TMEM38B: variants seen among roughly 807,000 people sequenced by gnomAD.
The protein encoded by TMEM38B is transmembrane protein 38B, also known as trimeric intracellular cation channel type B.
A neutral mutation model predicts 28.7 loss-of-function variants in TMEM38B; 24 were observed. The ratio of observed to expected loss-of-function variants is 0.84; its 90% confidence interval spans 0.61 to 1.18. The LOEUF (loss-of-function observed/expected upper bound fraction) is 1.18, where lower values mean the gene tolerates loss of function less well. Ranked by LOEUF, TMEM38B falls within the 50% of genes most tolerant of loss-of-function variation. The pLI, the probability that TMEM38B is intolerant of heterozygous loss-of-function variation, is 0.00. For missense variants in TMEM38B, 380 were observed against 350.9 expected (o/e 1.08, Z -0.66); for synonymous variants, 131 against 127.7 (o/e 1.03, Z -0.17).
At chr9:105,747,959 TGCA>T in intron 4 of TMEM38B, 111 bp from the exon 5 acceptor site, 3 of 674,710 alleles carry the variant, frequency 4.4e-6, no homozygotes, top group Non-Finnish European at 2.6e-6. Flanking sequence ...AACTCATTTT[TGCA>T]TTACATCTAT....
At chr9:105,709,941 A>T (rs528283893) in intron 2 of TMEM38B, among the ~76,000 whole-genome samples, 1 of 152,190 alleles carries the variant, frequency 6.6e-6, no homozygotes. Context: ...TGATATTCAG[A>T]CATCCTAGTT....
intron 4 of TMEM38B, among the ~76,000 whole-genome samples, chr9:105,734,929 A>G (rs1353821662): frequency 6.7e-6 from 1 of 149,584 alleles, no homozygotes; most frequent in Non-Finnish European, 1.5e-5. Context: ...ATCCATTTAC[A>G]TTCATCCTAG....
At chr9:105,770,602 A>G (rs1372982470) in intron 5 of TMEM38B, among the ~76,000 whole-genome samples, 1 of 152,104 alleles carries the variant, frequency 6.6e-6, no homozygotes, top group Non-Finnish European at 1.5e-5. Context: ...CATTCATGTT[A>G]ATAATTAGCG....
At chr9:105,737,063 T>G (rs879466480) in intron 4 of TMEM38B, among the ~76,000 whole-genome samples, 1 of 152,208 alleles carries the variant, frequency 6.6e-6, no homozygotes, top group South Asian at 2.1e-4. Context: ...CCACAGGCAG[T>G]CACAGCAGTG....
intron 5 of TMEM38B, among the ~76,000 whole-genome samples, chr9:105,763,417 A>G (rs9722680): frequency 0.21 from 32,163 of 152,080 alleles, 5,298 homozygotes; most frequent in East Asian, 0.46. Context: ...CCAATCCCAC[A>G]GAAATACAAA....
intron 4 of TMEM38B, among the ~76,000 whole-genome samples, chr9:105,734,453 T>G (rs1259834176): frequency 6.6e-6 from 1 of 152,140 alleles, no homozygotes; most frequent in Non-Finnish European, 1.5e-5. Context: ...GTTTATTAAG[T>G]CCATTTGGTC....
At chr9:105,738,417 A>G (rs1035787330) in intron 4 of TMEM38B, among the ~76,000 whole-genome samples, 1 of 151,918 alleles carries the variant, frequency 6.6e-6, no homozygotes. Flanking sequence ...TGCTCTATAT[A>G]TAGAGTTGCT....
At chr9:105,763,593 C>T (rs552513375) in intron 5 of TMEM38B, among the ~76,000 whole-genome samples, 56 of 152,286 alleles carry the variant, frequency 3.7e-4, no homozygotes, top group African/African-American at 1.3e-3. Context: ...TAATCAATAG[C>T]TTACCAACCA....
Position 105,758,177 on chromosome 9 carries a change from G to A in TMEM38B, c.660+9987G>A, listed in dbSNP as rs567168158. The A allele has an allele frequency of 9.4e-6, 6 of 637,786 alleles. No homozygotes were observed. In the East Asian group the frequency reaches 1.3e-4, roughly 14 times the overall value. 39.5% of individuals were successfully genotyped at this position (637,786 alleles called of 1,614,324 possible). ...ACTGACAGACCTATGGAGAGTTGGGGTGTGCCTCCCAGGCCTTATCTGGCC... is the reference window on the plus strand; with the variant it reads ...ACTGACAGACCTATGGAGAGTTGGGATGTGCCTCCCAGGCCTTATCTGGCC... On this transcript the variant is annotated intron_variant, in intron 5 of 5. Coordinates refer to ENST00000374692, the MANE Select transcript of TMEM38B (RefSeq NM_018112.3).
intron 5 of TMEM38B, 74 bp downstream of exon 5, chr9:105,748,264 G>A (rs1182254386): frequency 1.9e-6 from 2 of 1,060,502 alleles, no homozygotes; most frequent in South Asian, 1.5e-5. Context: ...TTTGCATGCT[G>A]GGCAAGTAAG....
chr9:105,763,752 A>C (rs1838156919), intron 5 of TMEM38B, among the ~76,000 whole-genome samples: 2 of 152,120 alleles, frequency 1.3e-5, no homozygotes, highest in Non-Finnish European at 2.9e-5. Context: ...TCATCCTGAT[A>C]CGAAAGCTGG....
chr9:105,698,367 G>A (rs1026555658), intron 1 of TMEM38B, among the ~76,000 whole-genome samples: 7 of 151,858 alleles, frequency 4.6e-5, no homozygotes, highest in Non-Finnish European at 1.0e-4. Context: ...TTTTATGAGG[G>A]ACACTTTAAG....
intron 4 of TMEM38B, among the ~76,000 whole-genome samples, chr9:105,728,538 G>T (rs1023094958): frequency 6.6e-6 from 1 of 152,074 alleles, no homozygotes; most frequent in African/African-American, 2.4e-5. Context: ...GAATAGTGCC[G>T]CAGTAAACAT....
intron 2 of TMEM38B, among the ~76,000 whole-genome samples, chr9:105,711,676 T>C (rs759247572): frequency 1.3e-5 from 2 of 151,764 alleles, no homozygotes; most frequent in Non-Finnish European, 2.9e-5. Flanking sequence ...AAAAATTAGC[T>C]GAGTGTCGTG....
chr9:105,727,289 G>T (rs1015022318), intron 4 of TMEM38B, among the ~76,000 whole-genome samples: 1 of 151,538 alleles, frequency 6.6e-6, no homozygotes, highest in Non-Finnish European at 1.5e-5. Flanking sequence ...TTTTTTCCCC[G>T]AGATCCCATG....
At chr9:105,697,137 G>A (rs78578397) in intron 1 of TMEM38B, among the ~76,000 whole-genome samples, 3,517 of 152,268 alleles carry the variant, frequency 0.023, 133 homozygotes, top group African/African-American at 0.081. Context: ...GACACATACA[G>A]TCATTCAACT....
At chr9:105,711,950 C>A (rs1291203582) in intron 2 of TMEM38B, among the ~76,000 whole-genome samples, 3 of 151,936 alleles carry the variant, frequency 2.0e-5, no homozygotes, top group African/African-American at 7.3e-5. Flanking sequence ...GAGACGGAGT[C>A]TTGCTCTGTT....
chr9:105,709,665 T>C (rs1835823797), intron 2 of TMEM38B, among the ~76,000 whole-genome samples: 1 of 152,218 alleles, frequency 6.6e-6, no homozygotes. Flanking sequence ...TGGGCCCTCT[T>C]AGCTGGATGT....
intron 4 of TMEM38B, among the ~76,000 whole-genome samples, chr9:105,730,299 T>A (rs756251225): frequency 6.6e-6 from 1 of 152,182 alleles, no homozygotes. Flanking sequence ...GGCTGTTGAA[T>A]TTTTTTGAAG....
Sources: allele counts gnomAD v4.1 joint callset (sites outside exome capture counted in the v4.1 genomes callset), GRCh38; gene constraint gnomAD v4.1.1; transcripts MANE v1.5; gene names NCBI Gene and HGNC (gene_info 2026-07-23, HGNC 2026-07-21).